The following DMD variants were observed in gnomAD, a reference collection of about 807,000 sequenced individuals.
DMD encodes the protein dystrophin, also known as mutant dystrophin.
Under a neutral mutation model 330.1 loss-of-function variants are expected in DMD, and 63 were observed. That is an observed-to-expected ratio of 0.19 (90% CI 0.16 to 0.24). The LOEUF is 0.24. Ranked by LOEUF, DMD falls within the 10% of genes least tolerant of loss-of-function variation. The pLI, the probability that DMD is intolerant of heterozygous loss-of-function variation, is 1.00. For missense variants in DMD, 3,344 were observed against 2,684.1 expected (o/e 1.25, Z -5.43); for synonymous variants, 1,223 against 959.8 (o/e 1.27, Z -5.07).
intron 2 of DMD, among the ~76,000 whole-genome samples, chrX:32,904,061 C>T (rs1371772375): frequency 9.0e-6 from 1 of 111,731 alleles, no homozygotes; most frequent in African/African-American, 3.3e-5. Context: ...TAATGGATAA[C>T]AATATCAAAG....
chrX:31,425,384 CATT>C (rs1217769181), intron 60 of DMD, among the ~76,000 whole-genome samples: 1 of 112,055 alleles, frequency 8.9e-6, no homozygotes, highest in Non-Finnish European at 1.9e-5. Flanking sequence ...TTCTGAACCT[CATT>C]ATAATCACAC....
intron 47 of DMD, among the ~76,000 whole-genome samples, chrX:31,925,341 C>T (rs747837228): frequency 3.1e-4 from 34 of 110,262 alleles, no homozygotes; most frequent in African/African-American, 1.1e-3. Flanking sequence ...TTCTAGGACT[C>T]GGTGTTCAAA....
intron 74 of DMD, among the ~76,000 whole-genome samples, chrX:31,167,020 A>G (rs1263923137): frequency 8.9e-6 from 1 of 111,907 alleles, no homozygotes; most frequent in Non-Finnish European, 1.9e-5. Flanking sequence ...TCGCTGTGCC[A>G]CAAGTAGATG....
Position 32,184,774 on chromosome X carries a change from G to C in DMD, c.6438+32142C>G, listed in dbSNP as rs140456302. Among the ~76,000 whole-genome samples, 477 of 105,374 alleles carry C rather than the reference G, an allele frequency of 4.5e-3. 1 individual carries two copies. Among genetic ancestry groups the C allele is most frequent in the African/African-American group, 0.014 (423 of 29,243 alleles). The allele number at this position is 105,374 out of a possible 115,157, so 91.5% of individuals were successfully genotyped here. ...TTTTTTTCTTAAATTGGGAGAAGTG[G>C]TTAGAAAAGGCAAGTGGTTAGAAAG... On this transcript the variant is annotated intron_variant, in intron 44 of 78. Coordinates refer to ENST00000357033, the MANE Select transcript of DMD (RefSeq NM_004006.3).
intron 17 of DMD, among the ~76,000 whole-genome samples, chrX:32,539,161 G>A (rs1170347121): frequency 1.1e-5 from 1 of 88,544 alleles, no homozygotes; most frequent in East Asian, 4.2e-4. Context: ...TGGTATGCAA[G>A]ATTTCTATTT....
intron 7 of DMD, among the ~76,000 whole-genome samples, chrX:32,722,932 C>A (rs1018132361): frequency 9.1e-6 from 1 of 110,492 alleles, no homozygotes; most frequent in Non-Finnish European, 1.9e-5. Flanking sequence ...AATTTTGTCT[C>A]ACTGCTCCTG....
intron 1 of DMD, among the ~76,000 whole-genome samples, chrX:33,091,696 G>C (rs1204885832): frequency 9.0e-6 from 1 of 111,715 alleles, no homozygotes; most frequent in Non-Finnish European, 1.9e-5. Flanking sequence ...AATAAATTGT[G>C]AACAAAGTGA....
At chrX:33,249,173 G>A (rs1057418068) in intron 1 of DMD, among the ~76,000 whole-genome samples, 2 of 112,054 alleles carry the variant, frequency 1.8e-5, no homozygotes, top group Non-Finnish European at 3.8e-5. Context: ...TTTTTGAGAT[G>A]GAGTTTTGCT....
intron 7 of DMD, among the ~76,000 whole-genome samples, chrX:32,800,146 G>C (rs938032296): frequency 1.8e-5 from 2 of 111,712 alleles, no homozygotes; most frequent in Non-Finnish European, 3.8e-5. Context: ...TTCTCCTAAG[G>C]GGCATAACTA....
intron 55 of DMD, among the ~76,000 whole-genome samples, chrX:31,609,958 G>A (rs1316270078): frequency 9.1e-6 from 1 of 110,353 alleles, no homozygotes; most frequent in Non-Finnish European, 1.9e-5. Context: ...CTCTCCCTTG[G>A]GTTATCAGAC....
chrX:32,589,496 A>G (rs1401855816), intron 13 of DMD, among the ~76,000 whole-genome samples: 1 of 110,789 alleles, frequency 9.0e-6, no homozygotes, highest in African/African-American at 3.3e-5. Flanking sequence ...ATATATAGAA[A>G]CATAAAGAGA....
intron 43 of DMD, among the ~76,000 whole-genome samples, chrX:32,228,397 A>T (rs1360078269): frequency 1.8e-5 from 2 of 111,498 alleles, no homozygotes. Context: ...TTCTGAAAAA[A>T]TATGTAGGAT....
At chrX:32,464,542 C>G in intron 24 of DMD, 44 bp downstream of exon 24, 1 of 973,350 alleles carries the variant, frequency 1.0e-6, no homozygotes. Flanking sequence ...AAATAATATT[C>G]ATACAAAATT....
At chrX:31,813,647 T>C (rs1294902351) in intron 50 of DMD, among the ~76,000 whole-genome samples, 1 of 112,071 alleles carries the variant, frequency 8.9e-6, no homozygotes, top group African/African-American at 3.2e-5. Flanking sequence ...CATAGCAGTA[T>C]GAAAACTATG....
At chrX:32,030,885 C>T (rs2095877614) in intron 44 of DMD, among the ~76,000 whole-genome samples, 1 of 111,696 alleles carries the variant, frequency 9.0e-6, no homozygotes. Flanking sequence ...CACAAGTTAG[C>T]TAGTGGAAGA....
At chrX:33,004,996 T>G (rs2093363506) in intron 2 of DMD, among the ~76,000 whole-genome samples, 1 of 111,174 alleles carries the variant, frequency 9.0e-6, no homozygotes, top group African/African-American at 3.3e-5. Context: ...TTGGTATTTG[T>G]TTGTGTTCAT....
At position 31,180,359 on chromosome X, in the gene DMD, G is replaced by A. The variant is rs372337129; in HGVS notation, c.10086+11C>T. 21 of 1,147,614 alleles carry A rather than the reference G, an allele frequency of 1.8e-5. No homozygotes were observed. The highest frequency in any genetic ancestry group is 1.4e-4 in the African/African-American group (8 of 55,700). The allele number at this position is 1,147,614 out of a possible 1,213,427, so 94.6% of individuals were successfully genotyped here. ...GAACTAACTCTCACGTCAGGCTGGC[G>A]TCAAACTTACCGGAGTGCAATATTC... On this transcript the variant is annotated intron_variant, in intron 69 of 78. Transcript: ENST00000357033.
chrX:32,141,502 G>A (rs2096753005), intron 44 of DMD, among the ~76,000 whole-genome samples: 1 of 110,881 alleles, frequency 9.0e-6, no homozygotes, highest in East Asian at 2.8e-4. Flanking sequence ...TCTTCTAAAT[G>A]GCCTCAGTGT....
intron 7 of DMD, among the ~76,000 whole-genome samples, chrX:32,750,568 C>A (rs1253032708): frequency 9.0e-6 from 1 of 110,746 alleles, no homozygotes; most frequent in Non-Finnish European, 1.9e-5. Context: ...ATGACAGTGA[C>A]AGGAAGCAGA....
Sources: allele counts gnomAD v4.1 joint callset (sites outside exome capture counted in the v4.1 genomes callset), GRCh38; gene constraint gnomAD v4.1.1; transcripts MANE v1.5; gene names NCBI Gene and HGNC (gene_info 2026-07-23, HGNC 2026-07-21).